The following SPIDR variants were observed in gnomAD, a reference collection of about 807,000 sequenced individuals.
SPIDR encodes the protein DNA repair-scaffolding protein.
A neutral mutation model predicts 104.6 loss-of-function variants in SPIDR; 93 were observed. The ratio of observed to expected loss-of-function variants is 0.89; its 90% CI spans 0.75 to 1.06. The LOEUF is 1.06. SPIDR is among the 50% of genes least tolerant of loss of function. SPIDR has a pLI of 0.00. For missense variants in SPIDR, 1,154 were observed against 1,111.2 expected, an observed-to-expected ratio of 1.04 and a Z score of -0.55; for synonymous variants, 431 against 416.9, an observed-to-expected ratio of 1.03 and a Z score of -0.41.
At chr8:47,426,180 G>A (rs565619780) in intron 7 of SPIDR, among the ~76,000 whole-genome samples, 1 of 152,272 alleles carries the variant, frequency 6.6e-6, no homozygotes, top group South Asian at 2.1e-4. Flanking sequence ...CTTAAACCCG[G>A]GAGGCGGAGT....
chr8:47,432,530 A>G (rs73676339), intron 7 of SPIDR, among the ~76,000 whole-genome samples: 2,042 of 152,304 alleles, frequency 0.013, 51 homozygotes, highest in African/African-American at 0.046. Context: ...GGTGCAACAC[A>G]GAGTTCATGG....
At chr8:47,671,283 CT>C (rs1032933896) in intron 10 of SPIDR, among the ~76,000 whole-genome samples, 8 of 152,010 alleles carry the variant, frequency 5.3e-5, no homozygotes, top group African/African-American at 1.9e-4. Context: ...CCTAGTTTTT[CT>C]TTGTCTAAAA....
intron 8 of SPIDR, among the ~76,000 whole-genome samples, chr8:47,446,772 A>G (rs1427148450): frequency 6.6e-6 from 1 of 151,998 alleles, no homozygotes; most frequent in Non-Finnish European, 1.5e-5. Context: ...TTTTTAGTAG[A>G]GACAGGGTTT....
intron 5 of SPIDR, among the ~76,000 whole-genome samples, chr8:47,326,498 A>G (rs1442254618): frequency 6.6e-6 from 1 of 152,258 alleles, no homozygotes; most frequent in African/African-American, 2.4e-5. Flanking sequence ...TCAAAAGTGA[A>G]TAATTCAGTG....
chr8:47,683,155 TATTTAA>T (rs1182770152), intron 11 of SPIDR, among the ~76,000 whole-genome samples: 1 of 152,236 alleles, frequency 6.6e-6, no homozygotes, highest in Non-Finnish European at 1.5e-5. Context: ...AAGCTAAAAC[TATTTAA>T]AACTTTTAGA....
At chr8:47,625,354 C>T (rs2154437688) in intron 10 of SPIDR, among the ~76,000 whole-genome samples, 1 of 152,250 alleles carries the variant, frequency 6.6e-6, no homozygotes, top group South Asian at 2.1e-4. Flanking sequence ...TCTCACCACT[C>T]CTATTCAACA....
At chr8:47,490,914 C>T (rs1351939412) in intron 8 of SPIDR, among the ~76,000 whole-genome samples, 1 of 152,128 alleles carries the variant, frequency 6.6e-6, no homozygotes, top group African/African-American at 2.4e-5. Flanking sequence ...TGAATGGGTG[C>T]AGCACACCAA....
intron 8 of SPIDR, among the ~76,000 whole-genome samples, chr8:47,443,998 TA>T (rs2070024460): frequency 6.6e-6 from 1 of 152,128 alleles, no homozygotes; most frequent in Non-Finnish European, 1.5e-5. Flanking sequence ...CATTATGAAA[TA>T]GTCATAGAAT....
intron 7 of SPIDR, among the ~76,000 whole-genome samples, chr8:47,410,076 TTC>T (rs1311709025): frequency 2.6e-5 from 4 of 152,144 alleles, no homozygotes; most frequent in African/African-American, 9.7e-5. Flanking sequence ...AGCAATTGCC[TTC>T]TCTCACATTC....
At chr8:47,319,501 C>T (rs2046091495) in intron 5 of SPIDR, among the ~76,000 whole-genome samples, 2 of 152,156 alleles carry the variant, frequency 1.3e-5, no homozygotes, top group South Asian at 4.1e-4. Context: ...TAATGGGAGA[C>T]TTTAACACCC....
At chr8:47,356,115 G>A (rs2054492484) in intron 5 of SPIDR, among the ~76,000 whole-genome samples, 1 of 152,148 alleles carries the variant, frequency 6.6e-6, no homozygotes, top group African/African-American at 2.4e-5. Flanking sequence ...GACTAAAACT[G>A]GTGGCAAAGA....
intron 5 of SPIDR, among the ~76,000 whole-genome samples, chr8:47,329,946 G>A (rs782353600): frequency 3.9e-5 from 6 of 152,042 alleles, no homozygotes; most frequent in Non-Finnish European, 8.8e-5. Context: ...TACATATTTT[G>A]TGCAGTTTTT....
At chr8:47,539,411 G>A (rs1436884203) in intron 8 of SPIDR, among the ~76,000 whole-genome samples, 1 of 152,158 alleles carries the variant, frequency 6.6e-6, no homozygotes, top group African/African-American at 2.4e-5. Flanking sequence ...GGACCACACA[G>A]GGCCCATCCT....
upstream of SPIDR, chr8:47,260,929 A>AGGCGGTGCGCTCAGGC (rs1431338767): frequency 1.6e-5 from 19 of 1,224,756 alleles, no homozygotes; most frequent in African/African-American, 1.1e-4. Context: ...CGCGCTGAGG[A>AGGCGGTGCGCTCAGGC]GGCGGTGCGC....
chr8:47,553,446 T>C (rs1213719937), intron 8 of SPIDR, among the ~76,000 whole-genome samples: 9 of 152,194 alleles, frequency 5.9e-5, no homozygotes, highest in Non-Finnish European at 1.0e-4. Flanking sequence ...TTCGTTTCTT[T>C]TTACTCTTTT....
At chr8:47,591,426 C>CTATTTATT (rs151285704) in intron 8 of SPIDR, among the ~76,000 whole-genome samples, 181 of 149,618 alleles carry the variant, frequency 1.2e-3, no homozygotes, top group South Asian at 8.8e-3. Context: ...CTTTCCCTCC[C>CTATTTATT]TATTTATTTA....
chr8:47,510,061 T>G (rs1451691463), intron 8 of SPIDR, among the ~76,000 whole-genome samples: 1 of 152,234 alleles, frequency 6.6e-6, no homozygotes, highest in African/African-American at 2.4e-5. Context: ...TACAGCAATT[T>G]TTTTTGTTTG....
intron 5 of SPIDR, among the ~76,000 whole-genome samples, chr8:47,348,814 C>G (rs115880794): frequency 0.026 from 3,995 of 152,248 alleles, 289 homozygotes; most frequent in Admixed American, 0.15. Context: ...CATTTAAGGT[C>G]TTCTCTGCGC....
At position 47,284,070 on chromosome 8, in the gene SPIDR, G is replaced by A; in HGVS notation, c.232G>A (p.Glu78Lys). 1 of 1,612,510 alleles carries A rather than the reference G, an allele frequency of 6.2e-7. No individual in the cohort carries two copies. The highest frequency in any genetic ancestry group is 8.5e-7 in the Non-Finnish European group (1 of 1,179,446). Residue 78 changes from glutamate (E) to lysine (K), a missense_variant, in exon 3 of 20, where the codon GAA becomes AAA. By Grantham distance (56) the Glu-to-Lys change is moderately conservative (BLOSUM62 1). Coordinates refer to ENST00000297423, the MANE Select transcript of SPIDR (RefSeq NM_001080394.4). ...GAAGACGATTACAGAAAAGCACCTT[G>A]AATTATGCCCTAGACCCAAGCAAGG... ...EEKTITEKHL[E>K]LCPRPKQETT...
Sources: allele counts gnomAD v4.1 joint callset (sites outside exome capture counted in the v4.1 genomes callset), GRCh38; gene constraint gnomAD v4.1.1; transcripts MANE v1.5; gene names NCBI Gene and HGNC (gene_info 2026-07-23, HGNC 2026-07-21).